POLR2D: variants seen among roughly 807,000 people sequenced by gnomAD.
POLR2D encodes RNA polymerase II subunit D.
A neutral mutation model predicts 17.6 loss-of-function variants in POLR2D; 10 were observed. The observed-to-expected ratio is 0.57, with a 90% CI of 0.35 to 0.96. The LOEUF is 0.96. POLR2D is among the 40% of genes least tolerant of loss of function. The probability of loss-of-function intolerance (pLI) is 0.02; values close to 1 mark genes in which losing one functional copy is unlikely to be tolerated. For missense variants in POLR2D, 126 were observed against 176.4 expected (o/e 0.71, Z 1.62); for synonymous variants, 52 against 60.2 (o/e 0.86, Z 0.63).
intron 1 of POLR2D, among the ~76,000 whole-genome samples, chr2:127,854,826 A>G (rs571793390): frequency 1.3e-5 from 2 of 152,264 alleles, no homozygotes; most frequent in East Asian, 3.9e-4. Flanking sequence ...GGGATTTACT[A>G]CAGTGAGAGC....
At chr2:127,849,724 G>C (rs58456678) in intron 3 of POLR2D, among the ~76,000 whole-genome samples, 3,718 of 152,078 alleles carry the variant, frequency 0.024, 135 homozygotes, top group African/African-American at 0.084. Flanking sequence ...TACTGGCCAA[G>C]AGATTATCAA....
In POLR2D at chr2:127,844,338, G is replaced by A. The variant is rs1690116339; in HGVS notation, c.*3769C>T. The A allele has an allele frequency of 6.6e-6, 1 of 152,096 alleles. No homozygotes were observed. The highest frequency in any genetic ancestry group is 1.5e-5 in the Non-Finnish European group (1 of 68,018). The allele number at this position is 152,096 out of a possible 1,614,324, so 9.4% of individuals were successfully genotyped here. The stretch of plus-strand genomic sequence containing the variant: ...GTCTAAGGTATTCTGTTACAGCGCA[G>A]GAACAAACTAAGACACTAAAACTTT... On this transcript the variant is annotated 3_prime_UTR_variant, in exon 4 of 4. Transcript: ENST00000272645.
chr2:127,847,851 T>A lies in POLR2D; in HGVS notation c.*256A>T. ...GTCAACAGTGTGGTTATGTGACCCC[T>A]CATCTCACACTTCGCAGAGGCACGT... On this transcript the variant is annotated 3_prime_UTR_variant, in exon 4 of 4. Coordinates refer to ENST00000272645, the MANE Select transcript of POLR2D (RefSeq NM_004805.4). 4.0e-6 allele frequency: 2 copies of A among 502,396 alleles called. No homozygotes were observed. Among genetic ancestry groups the A allele is most frequent in the Non-Finnish European group, 7.2e-6 (2 of 279,350 alleles). 31.1% of individuals were successfully genotyped at this position (502,396 alleles called of 1,614,324 possible).
chr2:127,856,682 A>G (rs1205868452), intron 1 of POLR2D, among the ~76,000 whole-genome samples: 1 of 152,190 alleles, frequency 6.6e-6, no homozygotes, highest in Non-Finnish European at 1.5e-5. Context: ...AACACATAAT[A>G]AACATTTTTT....
intron 3 of POLR2D, among the ~76,000 whole-genome samples, 171 bp from the exon 4 acceptor site, chr2:127,848,356 A>G (rs1558980808): frequency 6.6e-6 from 1 of 152,100 alleles, no homozygotes; most frequent in Non-Finnish European, 1.5e-5. Flanking sequence ...CATATAAAAG[A>G]TAAAAGGTAT....
rs1690107902 is a variant in POLR2D at position 127,843,894 on chromosome 2, G to A, written c.*4213C>T. 6.5e-6 allele frequency: 1 copy of A among 153,514 alleles called. No homozygotes were observed. Among genetic ancestry groups the A allele is most frequent in the Non-Finnish European group, 1.5e-5 (1 of 67,988 alleles). 9.5% of individuals were successfully genotyped at this position (153,514 alleles called of 1,614,324 possible). The stretch of plus-strand genomic sequence containing the variant: ...AGGCGGAAACAGGTGGACTGCTAGA[G>A]GTCAGAAATTCCAGACCAGCCTGGG... On this transcript the variant is annotated 3_prime_UTR_variant, in exon 4 of 4. Transcript: ENST00000272645.
At position 127,857,896 on chromosome 2, in the gene POLR2D, C is replaced by A. The variant is rs1020771626; in HGVS notation, c.73+132G>T. ...GTCCCTCCCAAGGCCATGTTCCCTC[C>A]CCAGCCCCACGCCGCGCTGGGGCTT... On this transcript the variant is annotated intron_variant, in intron 1 of 3. Coordinates refer to ENST00000272645, the MANE Select transcript of POLR2D (RefSeq NM_004805.4). 3 of 1,389,194 alleles carry A rather than the reference C, an allele frequency of 2.2e-6. No individual in the cohort carries two copies. The African/African-American group carries it at 4.6e-5, about 21-fold the overall frequency. 86.1% of individuals were successfully genotyped at this position (1,389,194 alleles called of 1,614,324 possible).
chr2:127,845,374 T>TTTTTTTC lies in POLR2D; in HGVS notation c.*2732_*2733insGAAAAAA, dbSNP rs1690136844. 1 of 26,820 alleles carries TTTTTTTC rather than the reference T, an allele frequency of 3.7e-5. No homozygotes were observed. The highest frequency in any genetic ancestry group is 6.5e-5 in the Non-Finnish European group (1 of 15,346). The allele number at this position is 26,820 out of a possible 1,614,324, so 1.7% of individuals were successfully genotyped here. ...TGTAGATTTGGGTAAGCAATTTCACTTTTTTTTTTTTTTTTTTTTTGAGAC... is the reference window on the plus strand; with the variant it reads ...TGTAGATTTGGGTAAGCAATTTCACTTTTTTTCTTTTTTTTTTTTTTTTTTTTGAGAC... On this transcript the variant is annotated 3_prime_UTR_variant, in exon 4 of 4. Transcript: ENST00000272645.
intron 1 of POLR2D, among the ~76,000 whole-genome samples, chr2:127,856,290 C>CAAAAAAAAAAAAAAAAAAA (rs61249327): frequency 0.016 from 395 of 25,396 alleles, 108 homozygotes; most frequent in African/African-American, 0.029. Flanking sequence ...GATCCCGTCT[C>CAAAAAAAAAAAAAAAAAAA]AAAAAAAAAA....
In POLR2D at chr2:127,843,686, T is replaced by G. The variant is rs1343517832; in HGVS notation, c.*4421A>C. On this transcript the variant is annotated 3_prime_UTR_variant, in exon 4 of 4. Transcript: ENST00000272645. ...ACCAGAATGACTAGATGCTATGGTC[T>G]GAATGTGCCCCCTCCCACCCAATTG... is the stretch of plus-strand genomic sequence containing the variant. 1 of 152,812 alleles carries G rather than the reference T, an allele frequency of 6.5e-6. No individual in the cohort carries two copies. Among genetic ancestry groups the G allele is most frequent in the East Asian group, 1.9e-4 (1 of 5,198 alleles). The allele number at this position is 152,812 out of a possible 1,614,324, so 9.5% of individuals were successfully genotyped here.
At chr2:127,848,414 T>G (rs1690188947) in intron 3 of POLR2D, among the ~76,000 whole-genome samples, 1 of 152,096 alleles carries the variant, frequency 6.6e-6, no homozygotes. Context: ...GAGGTTTTTT[T>G]TTTTCTTTTT....
At chr2:127,853,232 C>CT (rs1282912727) in intron 1 of POLR2D, 127 bp from the exon 2 acceptor site, 54 of 721,448 alleles carry the variant, frequency 7.5e-5, no homozygotes, top group Non-Finnish European at 1.1e-4. Context: ...TCCACATCTG[C>CT]TTTTTTTTGA....
rs890583984 is a variant in POLR2D at position 127,845,916 on chromosome 2, A to G, written c.*2191T>C. ...CCATGGGGCAGATACTATTATCCAT[A>G]TTTCACAATTGAGAACACCAATGAG... is the stretch of plus-strand genomic sequence containing the variant. On this transcript the variant is annotated 3_prime_UTR_variant, in exon 4 of 4. Coordinates refer to ENST00000272645, the MANE Select transcript of POLR2D (RefSeq NM_004805.4). The G allele has an allele frequency of 2.6e-5, 4 of 152,172 alleles. No homozygotes were observed. Among genetic ancestry groups the G allele is most frequent in the Non-Finnish European group, 4.4e-5 (3 of 68,034 alleles). The allele number at this position is 152,172 out of a possible 1,614,324, so 9.4% of individuals were successfully genotyped here.
Position 127,847,815 on chromosome 2 carries a change from G to A in POLR2D, c.*292C>T. The A allele has an allele frequency of 5.2e-6, 2 of 385,492 alleles. No individual in the cohort carries two copies. Among genetic ancestry groups the A allele is most frequent in the East Asian group, 1.2e-4 (2 of 17,056 alleles). The allele number at this position is 385,492 out of a possible 1,614,324, so 23.9% of individuals were successfully genotyped here. ...AAGATGATGTGGAGGCCAAAAACCA[G>A]GAATGAGGTAGTCAACAGTGTGGTT... On this transcript the variant is annotated 3_prime_UTR_variant, in exon 4 of 4. Coordinates refer to ENST00000272645, the MANE Select transcript of POLR2D (RefSeq NM_004805.4).
At position 127,852,231 on chromosome 2, in the gene POLR2D, T is replaced by TCA. The variant is rs1464060348; in HGVS notation, c.254+692_254+693dup. ...TTCCCCACTAACAGTACCATTTAGA[T>TCA]CACACATACTGGACTTACACAAAAT... is the stretch of plus-strand genomic sequence containing the variant. On this transcript the variant is annotated intron_variant, in intron 2 of 3. Transcript: ENST00000272645. This position sits in a 1 kb window ranked among gnomAD's most constrained non-coding sequence, Gnocchi z 4.0. Among the ~76,000 whole-genome samples, 1 of 152,142 alleles carries TCA rather than the reference T, an allele frequency of 6.6e-6. No individual in the cohort carries two copies. The highest frequency in any genetic ancestry group is 2.4e-5 in the African/African-American group (1 of 41,412).
chr2:127,856,014 G>A (rs1056264278), intron 1 of POLR2D, among the ~76,000 whole-genome samples: 2 of 152,118 alleles, frequency 1.3e-5, no homozygotes, highest in African/African-American at 4.8e-5. Context: ...AGGTGCAGTG[G>A]CTCACACCTA....
At chr2:127,854,464 A>G (rs1690298671) in intron 1 of POLR2D, among the ~76,000 whole-genome samples, 1 of 152,196 alleles carries the variant, frequency 6.6e-6, no homozygotes, top group African/African-American at 2.4e-5. Context: ...ACGACTTGCA[A>G]TTTCACATTT....
At position 127,847,038 on chromosome 2, in the gene POLR2D, C is replaced by G. The variant is rs1690169076; in HGVS notation, c.*1069G>C. ...AATGGGCTGCAGTGAACAGTGCACA[C>G]CTGGTTGTGGACCTCTTTGGCACGA... On this transcript the variant is annotated 3_prime_UTR_variant, in exon 4 of 4. Transcript: ENST00000272645. 1 of 152,636 alleles carries G rather than the reference C, an allele frequency of 6.6e-6. No homozygotes were observed. The highest frequency in any genetic ancestry group is 2.4e-5 in the African/African-American group (1 of 41,444). The allele number at this position is 152,636 out of a possible 1,614,324, so 9.5% of individuals were successfully genotyped here.
chr2:127,856,463 G>T (rs375288765), intron 1 of POLR2D, among the ~76,000 whole-genome samples: 1 of 150,946 alleles, frequency 6.6e-6, no homozygotes, highest in Non-Finnish European at 1.5e-5. Context: ...GGTGGCAGGC[G>T]CCTGTAGTCC....
Sources: gnomAD v4.1 joint callset for allele counts (sites outside exome capture counted in the v4.1 genomes callset) on GRCh38, gnomAD v4.1.1 for gene constraint, Gnocchi (gnomAD v3.1) non-coding constraint, MANE v1.5 for transcripts, NCBI Gene and HGNC (gene_info 2026-07-23, HGNC 2026-07-21) for gene names.